Variants in TPP2 observed in about 807,000 individuals in gnomAD.
TPP2 encodes tripeptidyl-peptidase 2.
A neutral mutation model predicts 155.9 loss-of-function variants in TPP2; 34 were observed. That is an observed-to-expected ratio of 0.22 (90% CI 0.17 to 0.29). The LOEUF (loss-of-function observed/expected upper bound fraction) is 0.29, where lower values mean the gene tolerates loss of function less well. TPP2 is among the 10% of genes least tolerant of loss of function. The pLI is 1.00. For synonymous variants in TPP2, 510 were observed against 529.4 expected (o/e 0.96, Z 0.50); for missense variants, 1,028 against 1,522.3 (o/e 0.68, Z 5.40).
intron 25 of TPP2, among the ~76,000 whole-genome samples, chr13:102,662,288 G>A (rs1884280750): frequency 6.6e-6 from 1 of 152,150 alleles, no homozygotes; most frequent in Non-Finnish European, 1.5e-5. Context: ...AAAGGGTATG[G>A]CGGTTTCTTT....
intron 1 of TPP2, among the ~76,000 whole-genome samples, chr13:102,600,513 A>C (rs1372379346): frequency 6.6e-6 from 1 of 151,000 alleles, no homozygotes; most frequent in Non-Finnish European, 1.5e-5. Context: ...CTTTGCTGTT[A>C]TAGCAATTTG....
intron 24 of TPP2, among the ~76,000 whole-genome samples, chr13:102,651,791 A>G (rs1428556027): frequency 2.0e-5 from 3 of 152,020 alleles, no homozygotes; most frequent in Non-Finnish European, 2.9e-5. Flanking sequence ...GTCTAAAAGC[A>G]CTTTTAAATT....
chr13:102,607,935 C>T lies in TPP2; in HGVS notation c.294+3014C>T, dbSNP rs547888513. ...TGCAGTAATCCCGGCTTTAGATAAA[C>T]CACATGAACTAATAATATCACTAGT... On this transcript the variant is annotated intron_variant, in intron 2 of 29. Coordinates refer to ENST00000376052, the MANE Select transcript of TPP2 (RefSeq NM_001330588.2). 1.4e-4 allele frequency: 24 copies of T among 174,800 alleles called. No individual in the cohort carries two copies. The South Asian group carries it at 1.4e-3, about 10-fold the overall frequency. The allele number at this position is 174,800 out of a possible 1,614,324, so 10.8% of individuals were successfully genotyped here.
chr13:102,637,310 G>A (rs1882446406), intron 14 of TPP2, 71 bp downstream of exon 14: 4 of 1,497,704 alleles, frequency 2.7e-6, no homozygotes, highest in Non-Finnish European at 3.5e-6. Flanking sequence ...AAAATCCAAA[G>A]TATATTTGCA....
At chr13:102,637,701 C>A (rs1882474820) in intron 14 of TPP2, among the ~76,000 whole-genome samples, 1 of 152,146 alleles carries the variant, frequency 6.6e-6, no homozygotes, top group Non-Finnish European at 1.5e-5. Context: ...GTGGCGTGCA[C>A]CACCAAGCCT....
At chr13:102,604,520 C>T (rs1414468306) in intron 1 of TPP2, among the ~76,000 whole-genome samples, 1 of 152,176 alleles carries the variant, frequency 6.6e-6, no homozygotes, top group Admixed American at 6.5e-5. Context: ...ACTGCCATAT[C>T]CCCAGCACCT....
Position 102,633,933 on chromosome 13 carries a change from A to C in TPP2, c.1245-17A>C. ...GCTTTCACCATCCTAAGCAAACTTC[A>C]ATGGCTTTCCATTTAGTGCTGACGG... On this transcript the variant is annotated splice_polypyrimidine_tract_variant and intron_variant, in intron 10 of 29. Coordinates refer to ENST00000376052, the MANE Select transcript of TPP2 (RefSeq NM_001330588.2). 6 of 1,613,844 alleles carry C rather than the reference A, an allele frequency of 3.7e-6. No individual in the cohort carries two copies. Among genetic ancestry groups the C allele is most frequent in the Non-Finnish European group, 5.1e-6 (6 of 1,179,780 alleles).
chr13:102,663,207 G>T (rs1285252847), intron 25 of TPP2, among the ~76,000 whole-genome samples: 2 of 151,964 alleles, frequency 1.3e-5, no homozygotes, highest in Non-Finnish European at 2.9e-5. Flanking sequence ...GAGTGCAGTG[G>T]TTTGATCTCG....
At chr13:102,616,067 G>A (rs1011653963) in intron 3 of TPP2, among the ~76,000 whole-genome samples, 15 of 151,440 alleles carry the variant, frequency 9.9e-5, no homozygotes, top group African/African-American at 2.7e-4. Context: ...AGCGATTCTC[G>A]TGCCTTAGCC....
chr13:102,639,320 ATT>A (rs1198044139), intron 15 of TPP2, among the ~76,000 whole-genome samples: 2 of 152,188 alleles, frequency 1.3e-5, no homozygotes, highest in African/African-American at 4.8e-5. Context: ...TCTGGTAAAT[ATT>A]AAGTATGCAA....
intron 3 of TPP2, among the ~76,000 whole-genome samples, chr13:102,614,457 G>A (rs1204034392): frequency 6.6e-6 from 1 of 152,116 alleles, no homozygotes; most frequent in Admixed American, 6.5e-5. Flanking sequence ...TCAGATTTTT[G>A]TGTTTTTCTG....
Position 102,622,954 on chromosome 13 carries a change from A to G in TPP2, c.698A>G (p.Tyr233Cys), listed in dbSNP as rs1242333510. The G allele has an allele frequency of 1.2e-6, 2 of 1,614,180 alleles. No individual in the cohort carries two copies. Among genetic ancestry groups the G allele is most frequent in the Non-Finnish European group, 1.7e-6 (2 of 1,180,028 alleles). Residue 233 changes from tyrosine to cysteine, a missense_variant, in exon 6 of 30, where the codon TAT becomes TGT. Coordinates refer to ENST00000376052, the MANE Select transcript of TPP2 (RefSeq NM_001330588.2). ...VLRNYKEAQE[Y>C]GSFGTAEMLN... is the part of the protein sequence containing the mutation. ...AGAAACTACAAAGAAGCCCAAGAATATGGCTCTTTTGGCACAGCTGAGATG... is the reference window on the plus strand; with the variant it reads ...AGAAACTACAAAGAAGCCCAAGAATGTGGCTCTTTTGGCACAGCTGAGATG...
chr13:102,654,656 G>A (rs936865090), intron 24 of TPP2, among the ~76,000 whole-genome samples: 1 of 152,176 alleles, frequency 6.6e-6, no homozygotes, highest in Non-Finnish European at 1.5e-5. Flanking sequence ...GGTGTGGGAA[G>A]CTCAGGGAGA....
chr13:102,656,802 A>G (rs1343057188), intron 24 of TPP2, among the ~76,000 whole-genome samples: 1 of 152,188 alleles, frequency 6.6e-6, no homozygotes, highest in Non-Finnish European at 1.5e-5. Flanking sequence ...ATATACTCAA[A>G]TGGAGAAAAG....
chr13:102,608,979 C>G (rs747287019), intron 2 of TPP2, among the ~76,000 whole-genome samples: 5 of 152,128 alleles, frequency 3.3e-5, no homozygotes, highest in Non-Finnish European at 7.3e-5. Context: ...AGGGGAACCC[C>G]CATAATATCA....
chr13:102,635,525 G>C lies in TPP2; in HGVS notation c.1394-62G>C, dbSNP rs1260740239. 3.4e-6 allele frequency: 4 copies of C among 1,178,296 alleles called. No individual in the cohort carries two copies. The Admixed American group carries it at 6.9e-5, about 20-fold the overall frequency. The allele number at this position is 1,178,296 out of a possible 1,614,324, so 73.0% of individuals were successfully genotyped here. On this transcript the variant is annotated intron_variant, in intron 11 of 29. Transcript: ENST00000376052. The stretch of plus-strand genomic sequence containing the variant: ...GGTCTACAGGTGATCGATCATACTG[G>C]TGGGCGGCTAAGGTTTCAGATAGTG...
intron 6 of TPP2, 62 bp downstream of exon 6, chr13:102,623,102 C>A: frequency 1.3e-6 from 2 of 1,510,260 alleles, no homozygotes; most frequent in Non-Finnish European, 1.8e-6. Flanking sequence ...TGGTACGTTG[C>A]GATAGCTCAC....
intron 24 of TPP2, among the ~76,000 whole-genome samples, chr13:102,652,248 A>G (rs1310996199): frequency 6.6e-6 from 1 of 151,858 alleles, no homozygotes. Flanking sequence ...GTGGTAGCAC[A>G]CACTTATAGT....
chr13:102,607,753 AT>A, intron 2 of TPP2: 14 of 381,524 alleles, frequency 3.7e-5, no homozygotes, highest in Non-Finnish European at 4.3e-5. Flanking sequence ...CACTTGGCTA[AT>A]TTTTTTGTGT....
Sources: allele counts gnomAD v4.1 joint callset (sites outside exome capture counted in the v4.1 genomes callset), GRCh38; gene constraint gnomAD v4.1.1; transcripts MANE v1.5; gene names NCBI Gene and HGNC (gene_info 2026-07-23, HGNC 2026-07-21).